The following MYL12B variants were observed in gnomAD, a reference collection of about 807,000 sequenced individuals.
MYL12B encodes the protein myosin regulatory light chain 12B.
MYL12B carries 3 observed loss-of-function variants against 12.9 expected under a neutral mutation model. The ratio of observed to expected loss-of-function variants is 0.23; its 90% CI spans 0.11 to 0.60. The LOEUF (loss-of-function observed/expected upper bound fraction) is 0.60. MYL12B is among the 20% of genes least tolerant of loss of function. MYL12B has a pLI of 0.89. For synonymous variants in MYL12B, 57 were observed against 71.9 expected, an observed-to-expected ratio of 0.79 and a Z score of 1.05; for missense variants, 120 against 215.4, an observed-to-expected ratio of 0.56 and a Z score of 2.77.
intron 1 of MYL12B, 83 bp from the exon 2 acceptor site, chr18:3,272,801 G>A (rs6506098): frequency 0.97 from 1,191,310 of 1,229,220 alleles, 577,694 homozygotes; most frequent in Non-Finnish European, 0.98. Flanking sequence ...TTTACCTACA[G>A]ACTTTAGGTA....
At chr18:3,277,740 C>T (rs1179425533) in intron 3 of MYL12B, 25 bp from the exon 4 acceptor site, 2 of 1,595,148 alleles carry the variant, frequency 1.3e-6, no homozygotes, top group East Asian at 2.2e-5. Flanking sequence ...TTGATGACTG[C>T]TTTCTTCTTT....
intron 1 of MYL12B, among the ~76,000 whole-genome samples, chr18:3,266,052 T>C (rs2081631939): frequency 1.3e-5 from 2 of 152,192 alleles, no homozygotes; most frequent in Non-Finnish European, 2.9e-5. Flanking sequence ...ACAGTGGCTT[T>C]ATTACTTTTC....
At chr18:3,271,770 A>G (rs1465754024) in intron 1 of MYL12B, among the ~76,000 whole-genome samples, 1 of 151,992 alleles carries the variant, frequency 6.6e-6, no homozygotes, top group Non-Finnish European at 1.5e-5. Context: ...TTTGTGTTTT[A>G]TTTATTATTT....
chr18:3,277,622 C>T, intron 3 of MYL12B, 143 bp from the exon 4 acceptor site: 9 of 1,252,804 alleles, frequency 7.2e-6, no homozygotes, highest in Non-Finnish European at 9.7e-6. Flanking sequence ...TGATATAGTT[C>T]ATATAGCCTT....
chr18:3,269,746 A>G (rs1324781085), intron 1 of MYL12B, among the ~76,000 whole-genome samples: 1 of 152,252 alleles, frequency 6.6e-6, no homozygotes, highest in Non-Finnish European at 1.5e-5. Context: ...ATGTGCTGCT[A>G]GAATACTGGG....
chr18:3,277,825 A>T lies in MYL12B; in HGVS notation c.407A>T (p.Asp136Val). The change falls in exon 4 of 4, where the codon GAT becomes GTT. Residue 136 changes from aspartate to valine, a missense_variant. Coordinates refer to ENST00000237500, the MANE Select transcript of MYL12B (RefSeq NM_033546.4). ...LLTTMGDRFT[D>V]EEVDELYREA... is the part of the protein sequence containing the mutation. ...ACAACCATGGGGGATCGGTTTACAGATGAGGAAGTGGATGAGCTGTACAGA... is the reference window on the plus strand; with the variant it reads ...ACAACCATGGGGGATCGGTTTACAGTTGAGGAAGTGGATGAGCTGTACAGA... 6.2e-7 allele frequency: 1 copy of T among 1,614,106 alleles called. No homozygotes were observed. The highest frequency in any genetic ancestry group is 8.5e-7 in the Non-Finnish European group (1 of 1,180,000).
intron 3 of MYL12B, 135 bp downstream of exon 3, chr18:3,277,549 T>A: frequency 7.1e-7 from 1 of 1,401,030 alleles, no homozygotes; most frequent in Non-Finnish European, 9.5e-7. Context: ...GATCTGTTTC[T>A]GAGCTTTTAA....
chr18:3,273,211 G>T, intron 2 of MYL12B, 129 bp downstream of exon 2: 1 of 1,060,104 alleles, frequency 9.4e-7, no homozygotes, highest in Non-Finnish European at 1.3e-6. Context: ...ATTTCTGGGT[G>T]TGGGAGGTGC....
At chr18:3,276,331 C>A in intron 2 of MYL12B, 2 of 619,030 alleles carry the variant, frequency 3.2e-6, no homozygotes, top group Non-Finnish European at 4.0e-6. Flanking sequence ...TGGTTCAGTG[C>A]TGCTTTTCCC....
In MYL12B at chr18:3,278,040, A is replaced by C. The variant is rs2081748551; in HGVS notation, c.*103A>C. On this transcript the variant is annotated 3_prime_UTR_variant, in exon 4 of 4. Transcript: ENST00000237500. The stretch of plus-strand genomic sequence containing the variant: ...AACCTGTTGCATGCAACTTAGTTTC[A>C]CAGCTTTGCCTCTTCTTTTTGATGT... The C allele has an allele frequency of 5.7e-6, 8 of 1,403,882 alleles. No individual in the cohort carries two copies. The highest frequency in any genetic ancestry group is 1.5e-5 in the African/African-American group (1 of 68,334). 87.0% of individuals were successfully genotyped at this position (1,403,882 alleles called of 1,614,324 possible).
intron 1 of MYL12B, among the ~76,000 whole-genome samples, chr18:3,265,484 G>T (rs2081627881): frequency 6.6e-6 from 1 of 152,158 alleles, no homozygotes; most frequent in Non-Finnish European, 1.5e-5. Context: ...CTGCTTTTCT[G>T]TGTGAGTTCA....
At chr18:3,268,427 A>G (rs1489618392) in intron 1 of MYL12B, among the ~76,000 whole-genome samples, 1 of 152,200 alleles carries the variant, frequency 6.6e-6, no homozygotes, top group African/African-American at 2.4e-5. Flanking sequence ...TTGGTTAAAC[A>G]TTAATAAATT....
intron 1 of MYL12B, among the ~76,000 whole-genome samples, chr18:3,271,897 G>A (rs1402372107): frequency 2.6e-5 from 4 of 151,708 alleles, no homozygotes; most frequent in African/African-American, 9.7e-5. Flanking sequence ...GGAGAATGGA[G>A]GAATGATTGG....
chr18:3,266,154 G>T (rs2081632484), intron 1 of MYL12B, among the ~76,000 whole-genome samples: 1 of 152,182 alleles, frequency 6.6e-6, no homozygotes, highest in Non-Finnish European at 1.5e-5. Flanking sequence ...TAGGTGGGTG[G>T]TTCTGGCACA....
intron 2 of MYL12B, among the ~76,000 whole-genome samples, chr18:3,273,846 TGG>T (rs1555636119): frequency 0.03 from 2,365 of 78,508 alleles, 56 homozygotes; most frequent in South Asian, 0.08. Context: ...AAGAAAGAGG[TGG>T]GGGTTTTTTT....
At chr18:3,273,533 A>AT (rs1420056445) in intron 2 of MYL12B, among the ~76,000 whole-genome samples, 35 of 29,470 alleles carry the variant, frequency 1.2e-3, no homozygotes, top group East Asian at 8.0e-3. Context: ...ATTTTGTATG[A>AT]TTTTTTTAAT....
At chr18:3,264,681 AAG>A (rs2081623067) in intron 1 of MYL12B, among the ~76,000 whole-genome samples, 1 of 152,190 alleles carries the variant, frequency 6.6e-6, no homozygotes. Context: ...TAAACCCAAT[AAG>A]AGAGGTGAAT....
At chr18:3,277,200 C>A in intron 2 of MYL12B, 53 bp from the exon 3 acceptor site, 1 of 1,441,638 alleles carries the variant, frequency 6.9e-7, no homozygotes, top group Non-Finnish European at 9.3e-7. Flanking sequence ...AGTGAAATAA[C>A]TATTGAAATT....
chr18:3,267,453 A>G lies in MYL12B; in HGVS notation c.-16+5216A>G, dbSNP rs1201185918. 3.9e-5 allele frequency among the ~76,000 whole-genome samples: 6 copies of G among 152,212 alleles called. No homozygotes were observed. In the East Asian group the frequency reaches 1.2e-3, roughly 29 times the overall value. Reference sequence around the variant, plus strand: ...TCCATGTTTCTGTTTGCATATCAGTACTGCAGGTGACTTTACAAACATTTT... The same window carrying G: ...TCCATGTTTCTGTTTGCATATCAGTGCTGCAGGTGACTTTACAAACATTTT... On this transcript the variant is annotated intron_variant, in intron 1 of 3. Coordinates refer to ENST00000237500, the MANE Select transcript of MYL12B (RefSeq NM_033546.4).
Sources: allele counts gnomAD v4.1 joint callset (sites outside exome capture counted in the v4.1 genomes callset), GRCh38; gene constraint gnomAD v4.1.1; transcripts MANE v1.5; gene names NCBI Gene and HGNC (gene_info 2026-07-23, HGNC 2026-07-21).